Variants in HEPACAM2 observed in about 807,000 individuals in gnomAD.
The protein encoded by HEPACAM2 is mitotic kinetics regulator.
A neutral mutation model predicts 49.6 loss-of-function variants in HEPACAM2; 49 were observed. That is an observed-to-expected ratio of 0.99 (90% CI 0.78 to 1.25). The LOEUF is 1.25. Among genes scored for constraint, HEPACAM2 ranks in the 50% most tolerant of loss-of-function variants. HEPACAM2 has a pLI of 0.00. For synonymous variants in HEPACAM2, 197 were observed against 202.9 expected (o/e 0.97, Z 0.25); for missense variants, 525 against 557.2 (o/e 0.94, Z 0.58).
At chr7:93,190,333 A>G (rs566287849) in intron 9 of HEPACAM2, among the ~76,000 whole-genome samples, 5 of 152,026 alleles carry the variant, frequency 3.3e-5, no homozygotes, top group Non-Finnish European at 7.4e-5. Flanking sequence ...TAAGAAGGAT[A>G]TTACGGATAA....
chr7:93,218,988 T>G, intron 2 of HEPACAM2, 113 bp downstream of exon 2: 1 of 795,952 alleles, frequency 1.3e-6, no homozygotes, highest in Non-Finnish European at 2.0e-6. Context: ...GAGGATTAAT[T>G]GATTTGTGCA....
chr7:93,225,893 T>C (rs1222106004), intron 1 of HEPACAM2: 5 of 1,394,710 alleles, frequency 3.6e-6, no homozygotes, highest in Admixed American at 4.8e-5. Context: ...CTTTCTTCCA[T>C]ATTTCATAAG....
chr7:93,189,177 C>G lies in HEPACAM2; in HGVS notation c.*90G>C, dbSNP rs1287689097. 8.7e-7 allele frequency: 1 copy of G among 1,153,996 alleles called. No homozygotes were observed. The highest frequency in any genetic ancestry group is 1.3e-6 in the Non-Finnish European group (1 of 780,626). The allele number at this position is 1,153,996 out of a possible 1,614,324, so 71.5% of individuals were successfully genotyped here. ...AGAGGTGTTGGTCTTGGTTTCTTCA[C>G]TGATTCCAGATTAATATACTTTTCC... On this transcript the variant is annotated 3_prime_UTR_variant, in exon 10 of 10. Transcript: ENST00000394468.
rs780110249 is a variant in HEPACAM2 at position 93,208,686 on chromosome 7, T to C, written c.906A>G (p.Ala302=). ...TTGTCTTCTGGGCTACTTTCTCAGATGCAACTTCTAAGCGAGGCCCATGCT... is the reference window on the plus strand; with the variant it reads ...TTGTCTTCTGGGCTACTTTCTCAGACGCAACTTCTAAGCGAGGCCCATGCT... The part of the protein sequence containing the change: ...IIKHGPRLEV[A]SEKVAQKTMD... Residue 302 remains alanine (A), a synonymous_variant, in exon 4 of 10, where the codon GCA becomes GCG. Coordinates refer to ENST00000394468, the MANE Select transcript of HEPACAM2 (RefSeq NM_001039372.4). 6.2e-7 allele frequency: 1 copy of C among 1,613,124 alleles called. No homozygotes were observed. The highest frequency in any genetic ancestry group is 1.1e-5 in the South Asian group (1 of 91,062).
In HEPACAM2 at chr7:93,192,368, A is replaced by C; in HGVS notation, c.1276-5T>G. On this transcript the variant is annotated splice_region_variant and splice_polypyrimidine_tract_variant and intron_variant, in intron 8 of 9. Coordinates refer to ENST00000394468, the MANE Select transcript of HEPACAM2 (RefSeq NM_001039372.4). ...TGGAACAGACCTGCTTGGGATCTAG[A>C]AAATGTGATACATTAAAAATAAATT... The C allele has an allele frequency of 6.3e-7, 1 of 1,597,632 alleles. No homozygotes were observed. Among genetic ancestry groups the C allele is most frequent in the African/African-American group, 1.3e-5 (1 of 74,666 alleles).
chr7:93,195,539 C>T (rs1051449599), intron 8 of HEPACAM2, among the ~76,000 whole-genome samples: 6 of 152,238 alleles, frequency 3.9e-5, no homozygotes, highest in East Asian at 1.9e-4. Context: ...GTTCTCTTGA[C>T]TTTCAACCTA....
At position 93,189,062 on chromosome 7, in the gene HEPACAM2, C is replaced by T. The variant is rs907431758; in HGVS notation, c.*205G>A. On this transcript the variant is annotated 3_prime_UTR_variant, in exon 10 of 10. Coordinates refer to ENST00000394468, the MANE Select transcript of HEPACAM2 (RefSeq NM_001039372.4). ...AGGAATATTTCCCCAACATGTTTTT[C>T]TGTTGCACAAGACATTGTGTATATG... is the stretch of plus-strand genomic sequence containing the variant. The T allele has an allele frequency of 1.2e-5, 6 of 486,228 alleles. No homozygotes were observed. Among genetic ancestry groups the T allele is most frequent in the Non-Finnish European group, 2.2e-5 (6 of 274,482 alleles). 30.1% of individuals were successfully genotyped at this position (486,228 alleles called of 1,614,324 possible). A position where few individuals can be genotyped will look rare whatever the true frequency, so the allele number is the denominator to read the frequency against.
At position 93,197,537 on chromosome 7, in the gene HEPACAM2, C is replaced by A. The variant is rs138500948; in HGVS notation, c.1086G>T (p.Leu362Phe). 6,470 of 1,596,758 alleles carry A rather than the reference C, an allele frequency of 4.1e-3. 14 individuals are homozygous for A. The highest frequency in any genetic ancestry group is 5.1e-3 in the Non-Finnish European group (6,009 of 1,166,878). The change falls in exon 5 of 10, where the codon TTG becomes TTT. Residue 362 changes from leucine (L) to phenylalanine (F), a missense_variant. By Grantham distance (22) the Leu-to-Phe change is conservative. Transcript: ENST00000394468. ...LASITGISLF[L>F]IISMCLLFLW... ...GGAAGAGAAGACACATGGATATAATCAAAAATAGTGATATTCCAGTTATAC... is the reference window on the plus strand; with the variant it reads ...GGAAGAGAAGACACATGGATATAATAAAAAATAGTGATATTCCAGTTATAC...
intron 3 of HEPACAM2, among the ~76,000 whole-genome samples, chr7:93,210,710 A>G (rs1006886058): frequency 2.6e-5 from 4 of 151,882 alleles, no homozygotes; most frequent in Admixed American, 2.6e-4. Context: ...GTAATGGCCT[A>G]ATCTTAAAGG....
intron 1 of HEPACAM2, among the ~76,000 whole-genome samples, chr7:93,224,505 A>T (rs1408565943): frequency 6.6e-6 from 1 of 152,154 alleles, no homozygotes; most frequent in Non-Finnish European, 1.5e-5. Flanking sequence ...TTATAATACT[A>T]ATCATAATCT....
intron 1 of HEPACAM2, among the ~76,000 whole-genome samples, chr7:93,220,591 A>C (rs907930461): frequency 6.6e-6 from 1 of 152,194 alleles, no homozygotes; most frequent in Admixed American, 6.5e-5. Flanking sequence ...GACATCTAAG[A>C]GGCAATGTTG....
chr7:93,200,705 A>G (rs2116651359), intron 4 of HEPACAM2, among the ~76,000 whole-genome samples: 1 of 152,230 alleles, frequency 6.6e-6, no homozygotes, highest in Non-Finnish European at 1.5e-5. Flanking sequence ...AACATCACAA[A>G]TCTGGTAGTC....
chr7:93,231,405 A>T (rs73415339), upstream of HEPACAM2, among the ~76,000 whole-genome samples: 6,610 of 152,270 alleles, frequency 0.043, 235 homozygotes, highest in African/African-American at 0.1. Flanking sequence ...GCACATCTGC[A>T]GTAATCTTAG....
chr7:93,205,811 G>C (rs1039089326), intron 4 of HEPACAM2, among the ~76,000 whole-genome samples: 2 of 152,070 alleles, frequency 1.3e-5, no homozygotes, highest in African/African-American at 4.8e-5. Context: ...TTGAGTTAAA[G>C]CTCTGTGGAC....
At chr7:93,228,497 G>T (rs1584361284), upstream of HEPACAM2, among the ~76,000 whole-genome samples, 1 of 152,134 alleles carries the variant, frequency 6.6e-6, no homozygotes, top group South Asian at 2.1e-4. Context: ...GTTTACACAG[G>T]AAGTGAGAAA....
chr7:93,208,460 T>A (rs995717825), intron 4 of HEPACAM2, 120 bp downstream of exon 4: 1 of 863,198 alleles, frequency 1.2e-6, no homozygotes, highest in African/African-American at 1.7e-5. Flanking sequence ...GAGAGATTTT[T>A]AGAATATATG....
chr7:93,191,927 A>T (rs1793557777), intron 9 of HEPACAM2, among the ~76,000 whole-genome samples: 2 of 152,230 alleles, frequency 1.3e-5, no homozygotes, highest in South Asian at 4.1e-4. Context: ...TAAGATGGCT[A>T]CAGAATTAGC....
At chr7:93,193,184 A>T (rs75315332) in intron 8 of HEPACAM2, among the ~76,000 whole-genome samples, 4,801 of 152,150 alleles carry the variant, frequency 0.032, 161 homozygotes, top group East Asian at 0.08. Context: ...AACTCTGAAG[A>T]GTTCACTATC....
intron 3 of HEPACAM2, among the ~76,000 whole-genome samples, chr7:93,210,680 G>T (rs1282732224): frequency 6.6e-6 from 1 of 151,868 alleles, no homozygotes; most frequent in African/African-American, 2.4e-5. Flanking sequence ...AACTGGATAT[G>T]GGTATGGATG....
Sources: allele counts gnomAD v4.1 joint callset (sites outside exome capture counted in the v4.1 genomes callset), GRCh38; gene constraint gnomAD v4.1.1; transcripts MANE v1.5; gene names NCBI Gene and HGNC (gene_info 2026-07-23, HGNC 2026-07-21).